The following NUBPL variants were observed in gnomAD, a reference collection of about 807,000 sequenced individuals.
NUBPL encodes iron-sulfur cluster transfer protein NUBPL.
NUBPL carries 31 observed loss-of-function variants against 45.7 expected under a neutral mutation model. The ratio of observed to expected loss-of-function variants is 0.68; its 90% CI spans 0.51 to 0.92. NUBPL has a LOEUF of 0.92. Among genes scored for constraint, NUBPL ranks in the 40% least tolerant of loss-of-function variants. The probability of loss-of-function intolerance (pLI) is 0.00; values close to 1 mark genes in which losing one functional copy is unlikely to be tolerated. For missense variants in NUBPL, 401 were observed against 398.7 expected, an observed-to-expected ratio of 1.01 and a Z score of -0.05; for synonymous variants, 144 against 140.9, an observed-to-expected ratio of 1.02 and a Z score of -0.15.
chr14:31,835,897 A>C (rs1333975851), intron 8 of NUBPL, among the ~76,000 whole-genome samples: 1 of 152,148 alleles, frequency 6.6e-6, no homozygotes, highest in Non-Finnish European at 1.5e-5. Context: ...TTAACAATGA[A>C]TTTTTCCTCC....
At chr14:31,691,689 G>A (rs1439268372) in intron 6 of NUBPL, among the ~76,000 whole-genome samples, 3 of 152,192 alleles carry the variant, frequency 2.0e-5, no homozygotes, top group South Asian at 2.1e-4. Flanking sequence ...TGGCAGGCTC[G>A]TGAGTAGTGG....
At chr14:31,812,164 C>G (rs1426438927) in intron 7 of NUBPL, among the ~76,000 whole-genome samples, 3 of 152,210 alleles carry the variant, frequency 2.0e-5, no homozygotes, top group African/African-American at 4.8e-5. Context: ...AGAACCACTG[C>G]TCTTTTCAGA....
At chr14:31,836,475 G>C (rs2040283175) in intron 8 of NUBPL, among the ~76,000 whole-genome samples, 1 of 152,160 alleles carries the variant, frequency 6.6e-6, no homozygotes, top group Non-Finnish European at 1.5e-5. Flanking sequence ...CAGCTTAACA[G>C]TATATGAAGT....
At chr14:31,830,705 G>C (rs947038806) in intron 8 of NUBPL, among the ~76,000 whole-genome samples, 4 of 152,188 alleles carry the variant, frequency 2.6e-5, no homozygotes, top group Admixed American at 6.5e-5. Context: ...TGGATAGCAA[G>C]AAAACATGCT....
intron 6 of NUBPL, among the ~76,000 whole-genome samples, chr14:31,734,878 C>T (rs944506573): frequency 6.6e-6 from 1 of 152,050 alleles, no homozygotes; most frequent in African/African-American, 2.4e-5. Flanking sequence ...GTAGATCTGG[C>T]GTTTAACCTC....
At chr14:31,722,231 C>T (rs369277644) in intron 6 of NUBPL, among the ~76,000 whole-genome samples, 1 of 152,094 alleles carries the variant, frequency 6.6e-6, no homozygotes, top group Non-Finnish European at 1.5e-5. Context: ...AGGATGGTCT[C>T]AATCTCCTGA....
At chr14:31,606,773 C>T (rs940659546) in intron 4 of NUBPL, among the ~76,000 whole-genome samples, 1 of 152,076 alleles carries the variant, frequency 6.6e-6, no homozygotes, top group Non-Finnish European at 1.5e-5. Flanking sequence ...TGTAGTTGTC[C>T]AAGGTTTTGA....
chr14:31,590,474 C>T lies in NUBPL; in HGVS notation c.292-8815C>T, dbSNP rs557882416. On this transcript the variant is annotated intron_variant, in intron 3 of 10. Coordinates refer to ENST00000281081, the MANE Select transcript of NUBPL (RefSeq NM_025152.3). ...TGGGTTTCAAAACCAGCTGCTGGGC[C>T]GCTCTGATTTTGAGTCTGAAGGGTG... 4.6e-5 allele frequency among the ~76,000 whole-genome samples: 7 copies of T among 152,248 alleles called. No individual in the cohort carries two copies. The South Asian group carries it at 1.2e-3, about 27-fold the overall frequency.
At chr14:31,654,553 C>T (rs1323053179) in intron 4 of NUBPL, among the ~76,000 whole-genome samples, 1 of 151,932 alleles carries the variant, frequency 6.6e-6, no homozygotes, top group Admixed American at 6.6e-5. Context: ...GGACTGCAGG[C>T]ACCCGCCACC....
intron 4 of NUBPL, among the ~76,000 whole-genome samples, chr14:31,614,394 A>G (rs1281767114): frequency 1.3e-5 from 2 of 152,210 alleles, no homozygotes; most frequent in African/African-American, 4.8e-5. Context: ...AGTAAGTAGC[A>G]TAGCCTTTGG....
chr14:31,631,469 TACAC>T (rs914378149), intron 4 of NUBPL, among the ~76,000 whole-genome samples: 2 of 140,954 alleles, frequency 1.4e-5, no homozygotes, highest in Non-Finnish European at 3.2e-5. Flanking sequence ...GAACCAATAA[TACAC>T]ACACACACAC....
At chr14:31,804,806 A>C (rs552416287) in intron 7 of NUBPL, among the ~76,000 whole-genome samples, 1 of 152,322 alleles carries the variant, frequency 6.6e-6, no homozygotes, top group Non-Finnish European at 1.5e-5. Context: ...TAAAGACTTA[A>C]ATGTAAAACC....
chr14:31,780,205 G>A (rs1169424268), intron 6 of NUBPL, among the ~76,000 whole-genome samples: 1 of 151,608 alleles, frequency 6.6e-6, no homozygotes, highest in Non-Finnish European at 1.5e-5. Context: ...TGGGATTACA[G>A]GCATGTGCCA....
chr14:31,666,358 G>A (rs1021846812), intron 4 of NUBPL, among the ~76,000 whole-genome samples: 8 of 150,676 alleles, frequency 5.3e-5, no homozygotes, highest in African/African-American at 7.3e-5. Flanking sequence ...TCCGCCTCCC[G>A]GGTTCAAACA....
intron 6 of NUBPL, among the ~76,000 whole-genome samples, chr14:31,683,041 C>T (rs560853141): frequency 8.0e-6 from 1 of 125,234 alleles, no homozygotes; most frequent in East Asian, 2.4e-4. Context: ...TTTTTGACAA[C>T]GAGCTCTTGT....
At chr14:31,620,693 G>A (rs1287078048) in intron 4 of NUBPL, among the ~76,000 whole-genome samples, 2 of 152,186 alleles carry the variant, frequency 1.3e-5, no homozygotes, top group African/African-American at 4.8e-5. Flanking sequence ...GCCAGCCAGA[G>A]CTGTCCTGTA....
chr14:31,829,412 C>T (rs2040154934), intron 8 of NUBPL, among the ~76,000 whole-genome samples: 1 of 152,058 alleles, frequency 6.6e-6, no homozygotes, highest in Non-Finnish European at 1.5e-5. Flanking sequence ...GAGAACTTTC[C>T]AGCAATAAGC....
At chr14:31,712,302 A>C (rs1003664549) in intron 6 of NUBPL, among the ~76,000 whole-genome samples, 8 of 152,364 alleles carry the variant, frequency 5.3e-5, no homozygotes, top group African/African-American at 1.9e-4. Context: ...CCCAACCCAG[A>C]AGCCCAGATG....
Position 31,673,567 on chromosome 14 carries a change from T to G in NUBPL, c.506T>G (p.Leu169Trp). The change falls in exon 6 of 11, where the codon TTG (leucine) becomes TGG (tryptophan). Residue 169 changes from leucine to tryptophan, a missense_variant. Coordinates refer to ENST00000281081, the MANE Select transcript of NUBPL (RefSeq NM_025152.3). ...GTAATGTCGGCCATTGAGAAATTGT[T>G]GAGGCAGGTAAGAATATTGCTTTAA... ...LMVMSAIEKL[L>W]RQVDWGQLDY... 6.2e-7 allele frequency: 1 copy of G among 1,613,164 alleles called. No individual in the cohort carries two copies. The highest frequency in any genetic ancestry group is 8.5e-7 in the Non-Finnish European group (1 of 1,179,200).
Sources: allele counts gnomAD v4.1 joint callset (sites outside exome capture counted in the v4.1 genomes callset), GRCh38; gene constraint gnomAD v4.1.1; transcripts MANE v1.5; gene names NCBI Gene and HGNC (gene_info 2026-07-23, HGNC 2026-07-21).